The following DPYSL3 variants were observed in gnomAD, a reference collection of about 807,000 sequenced individuals.
The protein encoded by DPYSL3 is dihydropyrimidinase-related protein 3.
In DPYSL3, 16 loss-of-function variants were observed where a neutral mutation model predicts 66.1. The ratio of observed to expected loss-of-function variants is 0.24; its 90% CI spans 0.16 to 0.37. The LOEUF (loss-of-function observed/expected upper bound fraction) is 0.37, where lower values mean the gene tolerates loss of function less well. Ranked by LOEUF, DPYSL3 falls within the 10% of genes least tolerant of loss-of-function variation. DPYSL3 has a pLI of 1.00. For missense variants in DPYSL3, 738 were observed against 916.2 expected, an observed-to-expected ratio of 0.81 and a Z score of 2.51; for synonymous variants, 338 against 345.1, an observed-to-expected ratio of 0.98 and a Z score of 0.23.
chr5:147,480,663 A>G (rs1293695491), intron 1 of DPYSL3, among the ~76,000 whole-genome samples: 2 of 150,852 alleles, frequency 1.3e-5, no homozygotes, highest in East Asian at 3.9e-4. Flanking sequence ...GATTTGTTGA[A>G]ATGAACCAAT....
At position 147,393,656 on chromosome 5, in the gene DPYSL3, C is replaced by T; in HGVS notation, c.*379G>A. The T allele has an allele frequency of 9.8e-6, 2 of 204,912 alleles. No homozygotes were observed. Among genetic ancestry groups the T allele is most frequent in the Non-Finnish European group, 2.0e-5 (2 of 98,480 alleles). 12.7% of individuals were successfully genotyped at this position (204,912 alleles called of 1,614,324 possible). ...CTCCAGGCTCCCACCACCCACTCACCCCAAATAACCTGCGTCCCTTTTGTT... is the reference window on the plus strand; with the variant it reads ...CTCCAGGCTCCCACCACCCACTCACTCCAAATAACCTGCGTCCCTTTTGTT... On this transcript the variant is annotated 3_prime_UTR_variant, in exon 14 of 14. Coordinates refer to ENST00000343218, the MANE Select transcript of DPYSL3 (RefSeq NM_001197294.2).
intron 8 of DPYSL3, among the ~76,000 whole-genome samples, chr5:147,403,241 T>A (rs373605625): frequency 6.8e-4 from 104 of 152,134 alleles, no homozygotes; most frequent in African/African-American, 2.4e-3. Context: ...ATCCAAGTGA[T>A]GAGAATTCAA....
At chr5:147,449,433 C>G (rs1414661333) in intron 1 of DPYSL3, among the ~76,000 whole-genome samples, 1 of 152,180 alleles carries the variant, frequency 6.6e-6, no homozygotes, top group Non-Finnish European at 1.5e-5. Flanking sequence ...AAAACAAATG[C>G]ATTATCTGCA....
chr5:147,446,747 C>A (rs1383229472), intron 1 of DPYSL3, among the ~76,000 whole-genome samples: 1 of 152,228 alleles, frequency 6.6e-6, no homozygotes, highest in Non-Finnish European at 1.5e-5. Context: ...AAGCCAGAAG[C>A]TAACTCAGAC....
intron 1 of DPYSL3, among the ~76,000 whole-genome samples, chr5:147,497,527 A>T (rs1368267004): frequency 3.9e-5 from 6 of 152,202 alleles, no homozygotes; most frequent in Non-Finnish European, 8.8e-5. Flanking sequence ...TACACACCAT[A>T]GCCATGAAGG....
chr5:147,419,872 A>C (rs1217487343), intron 2 of DPYSL3, among the ~76,000 whole-genome samples: 4 of 152,204 alleles, frequency 2.6e-5, no homozygotes, highest in Non-Finnish European at 4.4e-5. Flanking sequence ...TCTAGTTCAG[A>C]TACTGGCCAA....
rs992865958 is a variant in DPYSL3, at chr5:147,392,255, G to A, written c.*1780C>T. 5 of 152,184 alleles carry A rather than the reference G, an allele frequency of 3.3e-5. No homozygotes were observed. The highest frequency in any genetic ancestry group is 7.3e-5 in the Non-Finnish European group (5 of 68,034). The allele number at this position is 152,184 out of a possible 1,614,324, so 9.4% of individuals were successfully genotyped here. On this transcript the variant is annotated 3_prime_UTR_variant, in exon 14 of 14. Transcript: ENST00000343218. Reference sequence around the variant, plus strand: ...AAAGCACTACAAGAGCTTTAAAATAGCAAGCTTCCCTATTCTAAGGGGAAA... The same window carrying A: ...AAAGCACTACAAGAGCTTTAAAATAACAAGCTTCCCTATTCTAAGGGGAAA...
chr5:147,471,022 G>A (rs1008238576), intron 1 of DPYSL3, among the ~76,000 whole-genome samples: 3 of 152,058 alleles, frequency 2.0e-5, no homozygotes, highest in Non-Finnish European at 4.4e-5. Context: ...ATAGTGCCTG[G>A]AATATAGACA....
chr5:147,398,475 A>G (rs894963473), intron 11 of DPYSL3, among the ~76,000 whole-genome samples: 2 of 152,230 alleles, frequency 1.3e-5, no homozygotes, highest in African/African-American at 2.4e-5. Context: ...GAAGACTACT[A>G]TGGAAATCCA....
chr5:147,490,136 A>G lies in DPYSL3; in HGVS notation c.381+19342T>C, dbSNP rs76767290. ...CTCAACTGCCTCCATCCCAGGCTGCACTCCTCTTTCTTAGAGAATTTATAT... is the reference window on the plus strand; with the variant it reads ...CTCAACTGCCTCCATCCCAGGCTGCGCTCCTCTTTCTTAGAGAATTTATAT... On this transcript the variant is annotated intron_variant, in intron 1 of 13. Coordinates refer to ENST00000343218, the MANE Select transcript of DPYSL3 (RefSeq NM_001197294.2). 7.5e-3 allele frequency among the ~76,000 whole-genome samples: 1,143 copies of G among 151,788 alleles called. 8 individuals carry two copies. Among genetic ancestry groups the G allele is most frequent in the Non-Finnish European group, 0.012 (792 of 67,904 alleles).
chr5:147,430,499 G>A (rs1441484373), intron 1 of DPYSL3, among the ~76,000 whole-genome samples: 1 of 131,236 alleles, frequency 7.6e-6, no homozygotes, highest in African/African-American at 2.9e-5. Context: ...AACAGAGTGA[G>A]ACTCGGTCTC....
At chr5:147,404,108 C>G (rs1758271834) in intron 8 of DPYSL3, among the ~76,000 whole-genome samples, 1 of 152,260 alleles carries the variant, frequency 6.6e-6, no homozygotes, top group East Asian at 1.9e-4. Context: ...AGTTCCTACA[C>G]ACTTCTTCTT....
intron 1 of DPYSL3, among the ~76,000 whole-genome samples, chr5:147,443,397 G>A (rs570254125): frequency 3.7e-4 from 56 of 152,182 alleles, no homozygotes; most frequent in Non-Finnish European, 6.5e-4. Context: ...ACCAGACACC[G>A]CATGTTCTCA....
At chr5:147,453,529 G>A (rs1249657996) in intron 1 of DPYSL3, 6 of 1,525,624 alleles carry the variant, frequency 3.9e-6, no homozygotes, top group Middle Eastern at 2.0e-4. Flanking sequence ...GAGGGAGGGA[G>A]CAGCGGCGCC....
At chr5:147,502,772 T>G (rs1484446129) in intron 1 of DPYSL3, among the ~76,000 whole-genome samples, 1 of 152,092 alleles carries the variant, frequency 6.6e-6, no homozygotes, top group African/African-American at 2.4e-5. Flanking sequence ...GAGACGAGGT[T>G]TCACCGTGTT....
chr5:147,417,964 G>T (rs1752004096), intron 3 of DPYSL3, among the ~76,000 whole-genome samples: 1 of 152,076 alleles, frequency 6.6e-6, no homozygotes, highest in African/African-American at 2.4e-5. Context: ...ACCTCCACCA[G>T]ACACAGCTTT....
chr5:147,490,588 T>A (rs776875019), intron 1 of DPYSL3, among the ~76,000 whole-genome samples: 23 of 152,146 alleles, frequency 1.5e-4, no homozygotes, highest in Non-Finnish European at 2.9e-4. Context: ...TTAGAAGTCA[T>A]CATTCCATCC....
At chr5:147,473,358 T>C (rs1250179893) in intron 1 of DPYSL3, 1 of 152,132 alleles carries the variant, frequency 6.6e-6, no homozygotes, top group African/African-American at 2.4e-5. Context: ...AAGAATGAGA[T>C]ACATAATCTT....
intron 1 of DPYSL3, among the ~76,000 whole-genome samples, chr5:147,470,458 G>A (rs889957227): frequency 1.3e-5 from 2 of 152,054 alleles, no homozygotes; most frequent in African/African-American, 4.8e-5. Flanking sequence ...TGCTCCCTCT[G>A]TCTGGACCAA....
Sources: gnomAD v4.1 joint callset for allele counts (sites outside exome capture counted in the v4.1 genomes callset) on GRCh38, gnomAD v4.1.1 for gene constraint, MANE v1.5 for transcripts, NCBI Gene and HGNC (gene_info 2026-07-23, HGNC 2026-07-21) for gene names.